Variants in TCF4 observed in about 807,000 individuals in gnomAD.
TCF4 encodes SL3-3 enhancer factor 2.
TCF4 carries 3 observed loss-of-function variants against 82.1 expected under a neutral mutation model. The ratio of observed to expected loss-of-function variants is 0.04; its 90% confidence interval spans 0.02 to 0.09. TCF4 has a LOEUF of 0.09. TCF4 is among the 10% of genes least tolerant of loss of function. TCF4 has a pLI of 1.00. For missense variants in TCF4, 518 were observed against 852.7 expected (o/e 0.61, Z 4.89); for synonymous variants, 276 against 309.6 (o/e 0.89, Z 1.14).
chr18:55,386,055 G>A (rs2092575910), intron 6 of TCF4, among the ~76,000 whole-genome samples: 1 of 152,108 alleles, frequency 6.6e-6, no homozygotes, highest in African/African-American at 2.4e-5. Flanking sequence ...GCCTGAGACT[G>A]GCCACCAACT....
chr18:55,295,623 GCTC>G (rs1399410709), intron 8 of TCF4, among the ~76,000 whole-genome samples: 1 of 152,058 alleles, frequency 6.6e-6, no homozygotes, highest in African/African-American at 2.4e-5. Context: ...CATTTGAAAG[GCTC>G]CTCGTCACAT....
At chr18:55,517,678 C>A (rs2096896126) in intron 3 of TCF4, among the ~76,000 whole-genome samples, 2 of 152,092 alleles carry the variant, frequency 1.3e-5, no homozygotes, top group Non-Finnish European at 2.9e-5. Context: ...CTAAAGGTGT[C>A]TTCAAATGAG....
At chr18:55,623,777 C>G (rs1189990859) in intron 2 of TCF4, among the ~76,000 whole-genome samples, 3 of 152,086 alleles carry the variant, frequency 2.0e-5, no homozygotes, top group Admixed American at 1.3e-4. Context: ...TGGAGTTTTG[C>G]AGCTAGATCC....
At chr18:55,554,980 A>G (rs1424533505) in intron 3 of TCF4, among the ~76,000 whole-genome samples, 1 of 152,204 alleles carries the variant, frequency 6.6e-6, no homozygotes, top group Non-Finnish European at 1.5e-5. Context: ...CAATTCAAAA[A>G]ATACTTTGGC....
At chr18:55,484,599 T>C (rs1301623681) in intron 3 of TCF4, among the ~76,000 whole-genome samples, 1 of 152,202 alleles carries the variant, frequency 6.6e-6, no homozygotes, top group Non-Finnish European at 1.5e-5. Flanking sequence ...GGCCCATAAG[T>C]AAACTGAGTG....
intron 11 of TCF4, among the ~76,000 whole-genome samples, chr18:55,264,294 C>T (rs757024704): frequency 1.3e-4 from 20 of 152,188 alleles, no homozygotes; most frequent in Admixed American, 2.6e-4. Flanking sequence ...CCCATGGAAA[C>T]CACTGATAAG....
chr18:55,241,743 G>C (rs1009623708), intron 15 of TCF4, among the ~76,000 whole-genome samples: 1 of 152,204 alleles, frequency 6.6e-6, no homozygotes, highest in Non-Finnish European at 1.5e-5. Flanking sequence ...TGAAAAGAGA[G>C]TAGAAGTATA....
intron 8 of TCF4, among the ~76,000 whole-genome samples, chr18:55,344,969 G>C (rs1310913936): frequency 3.3e-5 from 5 of 152,066 alleles, no homozygotes; most frequent in African/African-American, 1.2e-4. Flanking sequence ...ATGCACACCA[G>C]AAGCCTTCTT....
chr18:55,613,432 G>A (rs927405388), intron 2 of TCF4, among the ~76,000 whole-genome samples: 2 of 152,084 alleles, frequency 1.3e-5, no homozygotes, highest in Non-Finnish European at 2.9e-5. Flanking sequence ...ATTATTTTAT[G>A]ATTCATCCAT....
At chr18:55,428,167 C>T (rs955939787) in intron 5 of TCF4, among the ~76,000 whole-genome samples, 11 of 152,124 alleles carry the variant, frequency 7.2e-5, no homozygotes, top group African/African-American at 2.7e-4. Context: ...CTGTTGAGTA[C>T]TCATCTTCCT....
intron 3 of TCF4, among the ~76,000 whole-genome samples, chr18:55,530,586 A>G (rs2097051418): frequency 6.7e-6 from 1 of 150,160 alleles, no homozygotes; most frequent in Non-Finnish European, 1.5e-5. Flanking sequence ...GCTAAGGGGG[A>G]AAAAGAGGGT....
chr18:55,239,370 C>T (rs1266328709), intron 15 of TCF4, among the ~76,000 whole-genome samples: 2 of 152,090 alleles, frequency 1.3e-5, no homozygotes, highest in Non-Finnish European at 2.9e-5. Context: ...ATCCAACTTT[C>T]GATGCTTAGT....
intron 10 of TCF4, among the ~76,000 whole-genome samples, chr18:55,270,378 T>TTA (rs1368765055): frequency 1.3e-5 from 2 of 152,268 alleles, no homozygotes; most frequent in African/African-American, 4.8e-5. Context: ...GGGCTTATAT[T>TTA]ACATTTCATC....
intron 2 of TCF4, among the ~76,000 whole-genome samples, chr18:55,621,016 T>A (rs1407908901): frequency 6.6e-6 from 1 of 152,132 alleles, no homozygotes; most frequent in Non-Finnish European, 1.5e-5. Context: ...TCAGCTATTG[T>A]GATCTGGTAG....
At chr18:55,485,980 T>C (rs2096508911) in intron 3 of TCF4, among the ~76,000 whole-genome samples, 1 of 152,226 alleles carries the variant, frequency 6.6e-6, no homozygotes, top group African/African-American at 2.4e-5. Context: ...TACGGTATTT[T>C]GGACTAAATA....
intron 3 of TCF4, among the ~76,000 whole-genome samples, chr18:55,584,733 A>G (rs890347611): frequency 6.6e-6 from 1 of 152,172 alleles, no homozygotes; most frequent in Non-Finnish European, 1.5e-5. Context: ...AAAAACAGCT[A>G]AAGCATCAAA....
intron 3 of TCF4, chr18:55,495,581 C>T (rs1231491295): frequency 6.6e-6 from 1 of 152,054 alleles, no homozygotes; most frequent in Non-Finnish European, 1.5e-5. Context: ...TCCTGGGCTG[C>T]AAATAAATAT....
chr18:55,535,869 A>C (rs1312576690), intron 3 of TCF4, among the ~76,000 whole-genome samples: 1 of 152,258 alleles, frequency 6.6e-6, no homozygotes, highest in Non-Finnish European at 1.5e-5. Context: ...AGTAGACTCA[A>C]CAGCAATTTC....
At chr18:55,581,335 C>T (rs1254042669) in intron 3 of TCF4, among the ~76,000 whole-genome samples, 1 of 152,008 alleles carries the variant, frequency 6.6e-6, no homozygotes, top group Non-Finnish European at 1.5e-5. Flanking sequence ...TCTTGGGCCT[C>T]AGTTTTCTTT....
Sources: allele counts gnomAD v4.1 joint callset (sites outside exome capture counted in the v4.1 genomes callset), GRCh38; gene constraint gnomAD v4.1.1; transcripts MANE v1.5; gene names NCBI Gene and HGNC (gene_info 2026-07-23, HGNC 2026-07-21).